Variants in BAIAP2L1 observed in about 807,000 individuals in gnomAD.
BAIAP2L1 encodes BAR/IMD domain containing adaptor protein 2 like 1.
Under a neutral mutation model 66.3 loss-of-function variants are expected in BAIAP2L1, and 35 were observed. That is an observed-to-expected ratio of 0.53 (90% CI 0.40 to 0.70). The LOEUF (loss-of-function observed/expected upper bound fraction) is 0.70, where lower values mean the gene tolerates loss of function less well. Among genes scored for constraint, BAIAP2L1 ranks in the 30% least tolerant of loss-of-function variants. The probability of loss-of-function intolerance (pLI) is 0.00; values close to 1 mark genes in which losing one functional copy is unlikely to be tolerated. For missense variants in BAIAP2L1, 622 were observed against 656.9 expected, an observed-to-expected ratio of 0.95 and a Z score of 0.58; for synonymous variants, 269 against 248.7, an observed-to-expected ratio of 1.08 and a Z score of -0.77.
At chr7:98,305,964 C>T (rs1800640865) in intron 11 of BAIAP2L1, among the ~76,000 whole-genome samples, 1 of 152,120 alleles carries the variant, frequency 6.6e-6, no homozygotes, top group Non-Finnish European at 1.5e-5. Flanking sequence ...CCCAGGGTGA[C>T]TCCCAAGAAC....
chr7:98,305,523 G>A lies in BAIAP2L1; in HGVS notation c.1241+916C>T, dbSNP rs189240205. On this transcript the variant is annotated intron_variant, in intron 11 of 13. Coordinates refer to ENST00000005260, the MANE Select transcript of BAIAP2L1 (RefSeq NM_018842.5). The stretch of plus-strand genomic sequence containing the variant: ...GGGTTATGGGGGTTCTGTGAACTTC[G>A]ATCCTCCCGCCTCAGCCTCCAGAGT... Among the ~76,000 whole-genome samples, 21 of 152,208 alleles carry A rather than the reference G, an allele frequency of 1.4e-4. No homozygotes were observed. The East Asian group carries it at 3.9e-3, about 28-fold the overall frequency.
At chr7:98,379,476 A>G (rs1802709318) in intron 1 of BAIAP2L1, among the ~76,000 whole-genome samples, 2 of 151,276 alleles carry the variant, frequency 1.3e-5, no homozygotes, top group Non-Finnish European at 3.0e-5. Flanking sequence ...GATAACTCCA[A>G]CCAAGGTTCA....
chr7:98,354,171 AG>A (rs1165020373), intron 3 of BAIAP2L1, among the ~76,000 whole-genome samples: 1 of 151,726 alleles, frequency 6.6e-6, no homozygotes. Flanking sequence ...CTCCACTGTC[AG>A]GCCTCTCATT....
intron 3 of BAIAP2L1, among the ~76,000 whole-genome samples, chr7:98,333,680 T>G (rs1209582174): frequency 6.6e-6 from 1 of 152,188 alleles, no homozygotes; most frequent in East Asian, 1.9e-4. Flanking sequence ...AATTTCTTGA[T>G]TATTAGACAT....
intron 3 of BAIAP2L1, among the ~76,000 whole-genome samples, chr7:98,325,582 G>C (rs1033989310): frequency 6.6e-6 from 1 of 151,936 alleles, no homozygotes; most frequent in African/African-American, 2.4e-5. Flanking sequence ...GGAGGCTGAG[G>C]TAGGAGAACT....
chr7:98,306,174 G>C (rs1246777259), intron 11 of BAIAP2L1, among the ~76,000 whole-genome samples: 1 of 152,182 alleles, frequency 6.6e-6, no homozygotes, highest in Admixed American at 6.5e-5. Context: ...GCGACCAGGA[G>C]GGGCAGGGCA....
chr7:98,315,468 G>T lies in BAIAP2L1; in HGVS notation c.631C>A (p.His211Asn). 6.8e-7 allele frequency: 1 copy of T among 1,477,990 alleles called. No individual in the cohort carries two copies. Among genetic ancestry groups the T allele is most frequent in the Non-Finnish European group, 9.0e-7 (1 of 1,108,332 alleles). 91.6% of individuals were successfully genotyped at this position (1,477,990 alleles called of 1,614,324 possible). A position where few individuals can be genotyped will look rare whatever the true frequency, so the allele number is the denominator to read the frequency against. ...TTTGCCACCACACCCACCTGTAAGT[G>T]ATAATAATGTATGTGGTTTGCAAAG... ...CGFANHIHYY[H>N]LQSAELLNSK... The change falls in exon 7 of 14, where the codon CAC becomes AAC. Residue 211 changes from histidine to asparagine, a missense_variant. By Grantham distance (68) the His-to-Asn change is moderately conservative. Coordinates refer to ENST00000005260, the MANE Select transcript of BAIAP2L1 (RefSeq NM_018842.5).
At chr7:98,398,873 A>G (rs1233563577) in intron 1 of BAIAP2L1, among the ~76,000 whole-genome samples, 1 of 152,214 alleles carries the variant, frequency 6.6e-6, no homozygotes, top group Non-Finnish European at 1.5e-5. Context: ...GAAGATACAC[A>G]GGGCTGTTCT....
intron 7 of BAIAP2L1, among the ~76,000 whole-genome samples, chr7:98,313,431 A>C (rs2116881685): frequency 6.6e-6 from 1 of 152,134 alleles, no homozygotes; most frequent in East Asian, 1.9e-4. Flanking sequence ...CACGGTGGGG[A>C]TATCACGCAG....
At chr7:98,400,477 A>G (rs1205504596) in intron 1 of BAIAP2L1, 3 of 329,312 alleles carry the variant, frequency 9.1e-6, no homozygotes, top group Admixed American at 1.1e-4. Flanking sequence ...GGGAGGAGGG[A>G]GAGTGAACGG....
intron 1 of BAIAP2L1, among the ~76,000 whole-genome samples, chr7:98,375,456 T>C (rs1021205845): frequency 6.8e-6 from 1 of 147,744 alleles, no homozygotes; most frequent in Non-Finnish European, 1.5e-5. Context: ...CCCACAAGAA[T>C]TACTAACAGT....
chr7:98,353,837 C>T (rs1323607834), intron 3 of BAIAP2L1, among the ~76,000 whole-genome samples: 1 of 150,276 alleles, frequency 6.7e-6, no homozygotes, highest in Non-Finnish European at 1.5e-5. Flanking sequence ...TGGCGGGCAT[C>T]TGTAGTCTCA....
rs556996780 is a variant in BAIAP2L1 at position 98,386,152 on chromosome 7, C to T, written c.51+14650G>A. 1.4e-4 allele frequency: 228 copies of T among 1,587,680 alleles called. 1 individual carries two copies. Among genetic ancestry groups the T allele is most frequent in the Non-Finnish European group, 1.8e-4 (206 of 1,169,118 alleles). ...AGAGGTCTTCCGTATCTGATTGTTG[C>T]GTTTTTTAGTAAAACCAACACAGAA... On this transcript the variant is annotated intron_variant, in intron 1 of 13. Coordinates refer to ENST00000005260, the MANE Select transcript of BAIAP2L1 (RefSeq NM_018842.5).
chr7:98,312,587 C>G (rs1800912278), intron 7 of BAIAP2L1, among the ~76,000 whole-genome samples: 1 of 152,122 alleles, frequency 6.6e-6, no homozygotes, highest in African/African-American at 2.4e-5. Context: ...TGTATGAATC[C>G]CGTTTTCCAG....
At chr7:98,395,913 C>G (rs1289159537) in intron 1 of BAIAP2L1, among the ~76,000 whole-genome samples, 3 of 152,114 alleles carry the variant, frequency 2.0e-5, no homozygotes, top group Non-Finnish European at 4.4e-5. Context: ...GTGGTCCCAG[C>G]TACATGCCTG....
At position 98,293,550 on chromosome 7, in the gene BAIAP2L1, TC is replaced by T; in HGVS notation, c.1506del (p.Asn503MetfsTer27). 1 of 1,613,854 alleles carries T rather than the reference TC, an allele frequency of 6.2e-7. No homozygotes were observed. Among genetic ancestry groups the T allele is most frequent in the Non-Finnish European group, 8.5e-7 (1 of 1,179,968 alleles). On this transcript the variant is annotated frameshift_variant, in exon 14 of 14. Transcript: ENST00000005260. LOFTEE classifies it high-confidence loss of function. ...FATVKLRPTV[T>X]NDRSAPIIR The stretch of plus-strand genomic sequence containing the variant: ...CGAATGATGGGTGCCGAGCGATCAT[TC>T]GTCACAGTCGGGCGGAGTTTCACAG...
intron 5 of BAIAP2L1, 117 bp downstream of exon 5, chr7:98,319,941 T>A: frequency 1.2e-6 from 1 of 836,980 alleles, no homozygotes; most frequent in South Asian, 1.7e-5. Context: ...CTGGGCATCA[T>A]CAACACGGAG....
chr7:98,385,904 T>C, intron 1 of BAIAP2L1: 4 of 1,400,410 alleles, frequency 2.9e-6, no homozygotes, highest in Non-Finnish European at 4.0e-6. Context: ...TGAAGCTCCA[T>C]GAGCTTTCCC....
intron 1 of BAIAP2L1, among the ~76,000 whole-genome samples, 200 bp from the exon 2 acceptor site, chr7:98,362,632 G>A (rs1236989501): frequency 1.3e-5 from 2 of 152,168 alleles, no homozygotes; most frequent in South Asian, 2.1e-4. Flanking sequence ...CAAGGTGCCC[G>A]TAACCCTGGC....
Sources: gnomAD v4.1 joint callset for allele counts (sites outside exome capture counted in the v4.1 genomes callset) on GRCh38, gnomAD v4.1.1 for gene constraint, MANE v1.5 for transcripts, NCBI Gene and HGNC (gene_info 2026-07-23, HGNC 2026-07-21) for gene names.